Variants in SGCD observed in about 807,000 individuals in gnomAD.
SGCD encodes the protein delta-sarcoglycan.
SGCD carries 18 observed loss-of-function variants against 36.6 expected under a neutral mutation model. The ratio of observed to expected loss-of-function variants is 0.49; its 90% CI spans 0.34 to 0.73. The LOEUF (loss-of-function observed/expected upper bound fraction) is 0.73. Among genes scored for constraint, SGCD ranks in the 30% least tolerant of loss-of-function variants. The pLI, the probability that SGCD is intolerant of heterozygous loss-of-function variation, is 0.01. For missense variants in SGCD, 387 were observed against 346.7 expected (o/e 1.12, Z -0.92); for synonymous variants, 133 against 130.6 (o/e 1.02, Z -0.12).
intron 3 of SGCD, among the ~76,000 whole-genome samples, chr5:156,308,116 A>G (rs1767280475): frequency 6.6e-6 from 1 of 152,142 alleles, no homozygotes; most frequent in Non-Finnish European, 1.5e-5. Flanking sequence ...GTCCATTTTC[A>G]GCCTGCTATA....
chr5:155,815,916 G>A, the SGCD span, among the ~76,000 whole-genome samples: 1 of 152,106 alleles, frequency 6.6e-6, no homozygotes, highest in South Asian at 2.1e-4. Context: ...TTTGCACATT[G>A]GAAAACATTT....
At chr5:156,714,798 C>T (rs562859789) in intron 7 of SGCD, among the ~76,000 whole-genome samples, 52 of 149,874 alleles carry the variant, frequency 3.5e-4, no homozygotes, top group African/African-American at 1.1e-3. Context: ...ATATCTTTTT[C>T]TCAAAACAAG....
At chr5:156,121,200 A>G (rs528758277) in intron 2 of SGCD, among the ~76,000 whole-genome samples, 39 of 152,168 alleles carry the variant, frequency 2.6e-4, no homozygotes, top group Non-Finnish European at 5.3e-4. Flanking sequence ...AGATACATTT[A>G]TGAAATGTCA....
chr5:156,583,500 T>C (rs891089917), intron 4 of SGCD, among the ~76,000 whole-genome samples: 2 of 152,196 alleles, frequency 1.3e-5, no homozygotes, highest in East Asian at 3.8e-4. Flanking sequence ...GCTGAATGAC[T>C]ACAATAATCT....
intron 7 of SGCD, among the ~76,000 whole-genome samples, chr5:156,725,857 A>C (rs1487173707): frequency 6.6e-6 from 1 of 151,986 alleles, no homozygotes; most frequent in Non-Finnish European, 1.5e-5. Context: ...AAAAAAACAA[A>C]CTTTCTGCTT....
chr5:155,742,992 G>T, the SGCD span, among the ~76,000 whole-genome samples: 116 of 152,314 alleles, frequency 7.6e-4, no homozygotes, highest in Middle Eastern at 3.4e-3. Flanking sequence ...ATAGTGTAAG[G>T]TTTGGTTGGG....
chr5:156,393,549 G>A (rs774859586), intron 3 of SGCD, among the ~76,000 whole-genome samples: 15 of 152,140 alleles, frequency 9.9e-5, no homozygotes, highest in Non-Finnish European at 2.1e-4. Flanking sequence ...AGCGGTGGAC[G>A]CACCACATGA....
chr5:155,788,113 CTT>C, the SGCD span, among the ~76,000 whole-genome samples: 1 of 152,096 alleles, frequency 6.6e-6, no homozygotes, highest in East Asian at 1.9e-4. Context: ...AGGTGTGACT[CTT>C]TACCCTGAAA....
intron 1 of SGCD, among the ~76,000 whole-genome samples, chr5:156,015,646 C>T (rs1223016138): frequency 1.3e-5 from 2 of 150,552 alleles, no homozygotes; most frequent in South Asian, 2.1e-4. Flanking sequence ...TATATGTATA[C>T]CCTTTTATTT....
chr5:156,535,532 G>A (rs1166587499), intron 4 of SGCD, among the ~76,000 whole-genome samples: 1 of 152,156 alleles, frequency 6.6e-6, no homozygotes, highest in Non-Finnish European at 1.5e-5. Context: ...TAATGTGTGG[G>A]ACCCATTTCA....
chr5:156,712,431 C>T (rs1581443526), intron 7 of SGCD, among the ~76,000 whole-genome samples: 1 of 152,146 alleles, frequency 6.6e-6, no homozygotes, highest in Non-Finnish European at 1.5e-5. Context: ...AAGTCATATT[C>T]AAAAAATTAA....
chr5:156,095,881 A>T (rs1440368133), intron 1 of SGCD, among the ~76,000 whole-genome samples: 1 of 152,164 alleles, frequency 6.6e-6, no homozygotes. Context: ...AGCCCAAACG[A>T]TGTCACAAGC....
chr5:156,269,222 C>T (rs977105537), intron 3 of SGCD, among the ~76,000 whole-genome samples: 1 of 151,964 alleles, frequency 6.6e-6, no homozygotes, highest in Non-Finnish European at 1.5e-5. Context: ...GTAATCCCAG[C>T]ACTTTGGGAG....
chr5:156,171,709 T>A (rs1020530191), intron 3 of SGCD, among the ~76,000 whole-genome samples: 7 of 152,300 alleles, frequency 4.6e-5, no homozygotes, highest in Admixed American at 4.6e-4. Context: ...TCTGTAAATT[T>A]TAAATTATTT....
intron 3 of SGCD, among the ~76,000 whole-genome samples, chr5:156,249,007 T>A (rs1019373195): frequency 2.6e-5 from 4 of 152,190 alleles, no homozygotes; most frequent in African/African-American, 9.6e-5. Context: ...ATTCATTCTC[T>A]TTGAGATGTA....
chr5:156,321,045 T>C (rs978201882), intron 3 of SGCD, among the ~76,000 whole-genome samples: 4 of 152,232 alleles, frequency 2.6e-5, no homozygotes, highest in African/African-American at 4.8e-5. Context: ...TGGGCTTTCA[T>C]AGAATAAATA....
In SGCD at chr5:156,139,364, G is replaced by A. The variant is rs975153261; in HGVS notation, c.-44+15345G>A. ...AATTTTTGTAGTTTGGGCTTTTACA[G>A]TTCAAATTCAATATGTCAGCTTATA... On this transcript the variant is annotated intron_variant, in intron 3 of 9. Transcript: ENST00000517913. Among the ~76,000 whole-genome samples the A allele has an allele frequency of 1.3e-4, 19 of 151,966 alleles. 2 individuals carry two copies. The East Asian group carries it at 3.7e-3, about 29-fold the overall frequency.
chr5:156,245,962 G>A (rs1765428358), intron 3 of SGCD, among the ~76,000 whole-genome samples: 1 of 152,094 alleles, frequency 6.6e-6, no homozygotes, highest in Non-Finnish European at 1.5e-5. Context: ...TGGATATTGA[G>A]CAATTAAGCT....
At chr5:156,271,651 G>C (rs1049848195) in intron 3 of SGCD, among the ~76,000 whole-genome samples, 1 of 152,042 alleles carries the variant, frequency 6.6e-6, no homozygotes, top group African/African-American at 2.4e-5. Flanking sequence ...GTGTGTGAGA[G>C]AGAGAGAGTG....
Sources: allele counts gnomAD v4.1 joint callset (sites outside exome capture counted in the v4.1 genomes callset), GRCh38; gene constraint gnomAD v4.1.1; transcripts MANE v1.5; gene names NCBI Gene and HGNC (gene_info 2026-07-23, HGNC 2026-07-21).